PDE5A: variants seen among roughly 807,000 people sequenced by gnomAD.
The protein encoded by PDE5A is cGMP-specific 3',5'-cyclic phosphodiesterase.
Under a neutral mutation model 110.2 loss-of-function variants are expected in PDE5A, and 67 were observed. The ratio of observed to expected loss-of-function variants is 0.61; its 90% CI spans 0.50 to 0.75. The LOEUF is 0.75. Ranked by LOEUF, PDE5A falls within the 30% of genes least tolerant of loss-of-function variation. The pLI is 0.00. For missense variants in PDE5A, 862 were observed against 1,045.1 expected (o/e 0.82, Z 2.42); for synonymous variants, 328 against 351.2 (o/e 0.93, Z 0.74).
At chr4:119,534,032 G>A (rs938817761) in intron 11 of PDE5A, among the ~76,000 whole-genome samples, 9 of 152,116 alleles carry the variant, frequency 5.9e-5, no homozygotes, top group East Asian at 1.9e-4. Flanking sequence ...AATCAAAACA[G>A]ACAAGATTAG....
In PDE5A at chr4:119,498,519, T is replaced by C; in HGVS notation, c.*82A>G. 6.7e-7 allele frequency: 1 copy of C among 1,499,786 alleles called. No individual in the cohort carries two copies. The highest frequency in any genetic ancestry group is 2.3e-5 in the East Asian group (1 of 44,164). 92.9% of individuals were successfully genotyped at this position (1,499,786 alleles called of 1,614,324 possible). The stretch of plus-strand genomic sequence containing the variant: ...CAAAGTATATACCAAATACAGACAC[T>C]ATACAGACAGTGTGTAAGAAACTAG... On this transcript the variant is annotated 3_prime_UTR_variant, in exon 21 of 21. Coordinates refer to ENST00000354960, the MANE Select transcript of PDE5A (RefSeq NM_001083.4).
intron 2 of PDE5A, among the ~76,000 whole-genome samples, chr4:119,597,141 G>T (rs1044559384): frequency 1.3e-5 from 2 of 151,930 alleles, no homozygotes; most frequent in African/African-American, 4.8e-5. Context: ...TTAATCTTTT[G>T]AATTTCCCCT....
chr4:119,508,763 T>C (rs1725642580), intron 15 of PDE5A, among the ~76,000 whole-genome samples: 1 of 152,012 alleles, frequency 6.6e-6, no homozygotes, highest in African/African-American at 2.4e-5. Flanking sequence ...AAGTGGAAGA[T>C]GAAATGTCTT....
intron 14 of PDE5A, 64 bp from the exon 15 acceptor site, chr4:119,511,198 C>T (rs1725731488): frequency 3.1e-6 from 3 of 981,132 alleles, no homozygotes; most frequent in East Asian, 2.4e-5. Flanking sequence ...TTTATCAGTA[C>T]ATTTTTATTA....
intron 2 of PDE5A, among the ~76,000 whole-genome samples, chr4:119,598,768 T>C (rs1338782169): frequency 6.6e-6 from 1 of 152,176 alleles, no homozygotes; most frequent in Non-Finnish European, 1.5e-5. Flanking sequence ...GAGCAACGCT[T>C]TGAAACAGAA....
intron 3 of PDE5A, among the ~76,000 whole-genome samples, chr4:119,570,227 AT>A (rs1401901481): frequency 6.6e-6 from 1 of 152,162 alleles, no homozygotes; most frequent in African/African-American, 2.4e-5. Context: ...GCTGTCATCC[AT>A]TGCTTCTTTA....
At chr4:119,557,997 T>C (rs1727603325) in intron 7 of PDE5A, among the ~76,000 whole-genome samples, 1 of 152,318 alleles carries the variant, frequency 6.6e-6, no homozygotes, top group Middle Eastern at 3.4e-3. Context: ...CAAATGTGCA[T>C]TTGTGAATGA....
chr4:119,607,184 G>C lies in PDE5A; in HGVS notation c.266C>G (p.Ala89Gly). Residue 89 changes from alanine to glycine, a missense_variant, in exon 2 of 21, where the codon GCA becomes GGA. Coordinates refer to ENST00000354960, the MANE Select transcript of PDE5A (RefSeq NM_001083.4). ...CSCPLQQSPR[A>G]DNSAPGTPTR... ...TGGTGTTCCAGGGGCACTGTTATCTGCACGAGGACTCTGCTGCAAGGGACA... is the reference window on the plus strand; with the variant it reads ...TGGTGTTCCAGGGGCACTGTTATCTCCACGAGGACTCTGCTGCAAGGGACA... The C allele has an allele frequency of 1.9e-6, 3 of 1,614,094 alleles. No individual in the cohort carries two copies. Among genetic ancestry groups the C allele is most frequent in the Non-Finnish European group, 2.5e-6 (3 of 1,179,970 alleles).
At position 119,628,582 on chromosome 4, in the gene PDE5A, G is replaced by T. The variant is rs201577219; in HGVS notation, c.90C>A (p.Val30=). 6.2e-7 allele frequency: 1 copy of T among 1,612,394 alleles called. No homozygotes were observed. The highest frequency in any genetic ancestry group is 8.5e-7 in the Non-Finnish European group (1 of 1,178,930). ...CCCAGTGATCGTCCAGCCATGCTTC[G>T]ACCGAGTCCTGATCCCTCTGCTGCT... ...QKQQQRDQDS[V]EAWLDDHWDF... is the part of the protein sequence containing the mutation. Residue 30 remains valine, a synonymous_variant, in exon 1 of 21, where the codon GTC becomes GTA. Transcript: ENST00000354960.
intron 1 of PDE5A, chr4:119,628,090 C>G: frequency 1.0e-6 from 1 of 963,394 alleles, no homozygotes; most frequent in Non-Finnish European, 1.2e-6. Context: ...CGAGGGGGGA[C>G]GGGGGAGGAG....
Position 119,521,002 on chromosome 4 carries a change from T to C in PDE5A, c.1838A>G (p.His613Arg), listed in dbSNP as rs2110469991. 6.2e-7 allele frequency: 1 copy of C among 1,613,166 alleles called. No individual in the cohort carries two copies. Among genetic ancestry groups the C allele is most frequent in the Non-Finnish European group, 8.5e-7 (1 of 1,179,252 alleles). Residue 613 changes from histidine to arginine, a missense_variant, in exon 13 of 21, where the codon CAT becomes CGT. Physicochemically the swap from His to Arg is conservative, Grantham distance 29. Coordinates refer to ENST00000354960, the MANE Select transcript of PDE5A (RefSeq NM_001083.4). ...TGTATTAAAGGCATGTCTCCAATTA[T>C]GATAGGCAACATTCTTCCGATAATT... ...KKNYRKNVAY[H>R]NWRHAFNTAQ...
chr4:119,544,389 A>G (rs548869884), intron 9 of PDE5A, among the ~76,000 whole-genome samples: 1 of 152,356 alleles, frequency 6.6e-6, no homozygotes, highest in East Asian at 1.9e-4. Context: ...AAAGCCATAT[A>G]CTAAATGGCA....
At chr4:119,578,716 A>T (rs1728474450) in intron 3 of PDE5A, among the ~76,000 whole-genome samples, 1 of 152,212 alleles carries the variant, frequency 6.6e-6, no homozygotes, top group Admixed American at 6.5e-5. Flanking sequence ...TACATGTTAG[A>T]CCTAAAACCA....
In PDE5A at chr4:119,606,717, C is replaced by T. The variant is rs1297536367; in HGVS notation, c.733G>A (p.Ala245Thr). The T allele has an allele frequency of 6.2e-7, 1 of 1,612,984 alleles. No individual in the cohort carries two copies. The highest frequency in any genetic ancestry group is 1.7e-5 in the Admixed American group (1 of 60,018). Residue 245 changes from alanine (A) to threonine (T), a missense_variant, in exon 2 of 21, where the codon GCA becomes ACA. By Grantham distance (58) the Ala-to-Thr change is moderately conservative. Transcript: ENST00000354960. The part of the protein sequence containing the change: ...ALGEPLNIKD[A>T]YEDPRFNAEV... Reference sequence around the variant, plus strand: ...CATGCTCCCCTGTTTACCTCATATGCATCTTTGATGTTCAAGGGCTCACCA... The same window carrying T: ...CATGCTCCCCTGTTTACCTCATATGTATCTTTGATGTTCAAGGGCTCACCA...
At chr4:119,621,362 C>A (rs2110564965) in intron 1 of PDE5A, among the ~76,000 whole-genome samples, 1 of 152,292 alleles carries the variant, frequency 6.6e-6, no homozygotes, top group South Asian at 2.1e-4. Flanking sequence ...TGGGATGTGA[C>A]CCAGGTGAGA....
At chr4:119,626,201 G>C (rs1457424816) in intron 1 of PDE5A, among the ~76,000 whole-genome samples, 1 of 152,148 alleles carries the variant, frequency 6.6e-6, no homozygotes, top group Admixed American at 6.5e-5. Flanking sequence ...ATTTTACAGT[G>C]AGCATGGTAA....
chr4:119,565,545 A>C (rs1727900963), intron 4 of PDE5A, 135 bp from the exon 5 acceptor site: 5 of 642,968 alleles, frequency 7.8e-6, no homozygotes, highest in Non-Finnish European at 1.4e-5. Flanking sequence ...AATTAGGATG[A>C]TATAAACTAA....
At chr4:119,508,593 C>CTAGA (rs1024469534) in intron 15 of PDE5A, among the ~76,000 whole-genome samples, 4 of 151,950 alleles carry the variant, frequency 2.6e-5, no homozygotes, top group Non-Finnish European at 4.4e-5. Context: ...TAAAGGATAA[C>CTAGA]TAGATGCTGA....
chr4:119,570,531 A>G (rs990512114), intron 3 of PDE5A, among the ~76,000 whole-genome samples: 40 of 152,192 alleles, frequency 2.6e-4, no homozygotes, highest in African/African-American at 9.4e-4. Context: ...ATGTCCTCAC[A>G]GGGTCGAGTG....
Sources: allele counts gnomAD v4.1 joint callset (sites outside exome capture counted in the v4.1 genomes callset), GRCh38; gene constraint gnomAD v4.1.1; transcripts MANE v1.5; gene names NCBI Gene and HGNC (gene_info 2026-07-23, HGNC 2026-07-21).